FER1L6: variants seen among roughly 807,000 people sequenced by gnomAD.
FER1L6 encodes the protein fer-1-like protein 6.
Under a neutral mutation model 219.2 loss-of-function variants are expected in FER1L6, and 177 were observed. The observed-to-expected ratio is 0.81, with a 90% CI of 0.71 to 0.91. FER1L6 has a LOEUF of 0.91. Among genes scored for constraint, FER1L6 ranks in the 40% least tolerant of loss-of-function variants. FER1L6 has a pLI of 0.00. For synonymous variants in FER1L6, 768 were observed against 824.3 expected (o/e 0.93, Z 1.17); for missense variants, 2,153 against 2,259.9 (o/e 0.95, Z 0.96).
chr8:123,851,992 AG>A lies in FER1L6; in HGVS notation c.-199del, dbSNP rs1031869302. ...GTAAAGTACTGTCACCTAGTTGGTGAGGTTGCCTGTAACTGACTTCAAAAGG... is the reference window on the plus strand; with the variant it reads ...GTAAAGTACTGTCACCTAGTTGGTGAGTTGCCTGTAACTGACTTCAAAAGG... On this transcript the variant is annotated 5_prime_UTR_variant, in exon 1 of 41. Transcript: ENST00000522917. The A allele has an allele frequency of 1.3e-5, 2 of 152,156 alleles. No homozygotes were observed. The highest frequency in any genetic ancestry group is 1.3e-4 in the Admixed American group (2 of 15,274). The allele number at this position is 152,156 out of a possible 1,614,324, so 9.4% of individuals were successfully genotyped here. A position where few individuals can be genotyped will look rare whatever the true frequency, so the allele number is the denominator to read the frequency against.
chr8:124,101,130 G>C lies in FER1L6; in HGVS notation c.4917G>C (p.Glu1639Asp). ...WLKGLEDDKQ[E>D]TDVHYNSLTG... ...AGGGCTTGGAGGATGACAAGCAGGA[G>C]ACAGATGTGCATTACAACTCCCTGA... The change falls in exon 38 of 41, where the codon GAG becomes GAC. Residue 1639 changes from glutamate (E) to aspartate (D), a missense_variant. Glu to Asp is a conservative substitution (Grantham distance 45, BLOSUM62 2). Coordinates refer to ENST00000522917, the MANE Select transcript of FER1L6 (RefSeq NM_001039112.2). 6.2e-7 allele frequency: 1 copy of C among 1,613,750 alleles called. No homozygotes were observed. The highest frequency in any genetic ancestry group is 1.3e-5 in the African/African-American group (1 of 74,964).
At chr8:123,985,652 T>C (rs924099567) in intron 11 of FER1L6, 1 of 160,482 alleles carries the variant, frequency 6.2e-6, no homozygotes, top group Non-Finnish European at 1.4e-5. Flanking sequence ...GTGTAAGCCA[T>C]AAAGTTGTGC....
intron 1 of FER1L6, among the ~76,000 whole-genome samples, chr8:123,880,896 TCAGGATC>T (rs55847943): frequency 0.23 from 34,655 of 151,928 alleles, 4,244 homozygotes; most frequent in East Asian, 0.45. Context: ...AACACACATA[TCAGGATC>T]CAGTTGGGGG....
intron 39 of FER1L6, among the ~76,000 whole-genome samples, chr8:124,117,882 C>T (rs866821251): frequency 1.3e-5 from 2 of 152,086 alleles, no homozygotes; most frequent in Admixed American, 6.5e-5. Flanking sequence ...ATCATACCTC[C>T]GAAGTCAAGT....
intron 1 of FER1L6, among the ~76,000 whole-genome samples, chr8:123,856,263 T>C (rs191546997): frequency 1.4e-5 from 2 of 139,444 alleles, no homozygotes; most frequent in Admixed American, 7.5e-5. Flanking sequence ...TATATGTATA[T>C]ATGTGTATAT....
rs1322837526 is a variant in FER1L6, at chr8:124,082,299, T to G, written c.4232T>G (p.Ile1411Ser). The change falls in exon 33 of 41, where the codon ATC becomes AGC. Residue 1411 changes from isoleucine to serine, a missense_variant. Ile to Ser is a moderately radical substitution (Grantham distance 142). Transcript: ENST00000522917. ...LNPVFGRSFE[I>S]QATFPKESLL... ...TGCTTGGACCGCAGGTCATTTGAGA[T>G]CCAAGCCACATTCCCAAAAGAGTCC... The G allele has an allele frequency of 1.2e-6, 2 of 1,613,054 alleles. No homozygotes were observed. The highest frequency in any genetic ancestry group is 8.5e-7 in the Non-Finnish European group (1 of 1,179,572).
chr8:123,965,386 G>A (rs1431646010), intron 3 of FER1L6, among the ~76,000 whole-genome samples: 1 of 152,168 alleles, frequency 6.6e-6, no homozygotes, highest in Non-Finnish European at 1.5e-5. Context: ...ATGACAACAG[G>A]AATTCTTCAT....
intron 39 of FER1L6, among the ~76,000 whole-genome samples, chr8:124,114,187 C>T (rs1181875833): frequency 6.6e-6 from 1 of 151,914 alleles, no homozygotes; most frequent in Admixed American, 6.6e-5. Flanking sequence ...AAGAGCTTTC[C>T]CTCATCAGTT....
chr8:124,094,847 T>C (rs1170522542), intron 34 of FER1L6, 49 bp from the exon 35 acceptor site: 1 of 1,603,570 alleles, frequency 6.2e-7, no homozygotes, highest in Non-Finnish European at 8.5e-7. Flanking sequence ...CCCATCACTG[T>C]CTCCTTGCAG....
In FER1L6 at chr8:124,010,940, C is replaced by T. The variant is rs117697490; in HGVS notation, c.1821+226C>T. ...CAAACTACCTGAATTCAAATCCCTG[C>T]TCTGCTTCTGGCTGTTATAGGATCT... On this transcript the variant is annotated intron_variant, in intron 14 of 40. Transcript: ENST00000522917. Among the ~76,000 whole-genome samples, 87 of 152,322 alleles carry T rather than the reference C, an allele frequency of 5.7e-4. 1 individual carries two copies. In the East Asian group the frequency reaches 7.1e-3, roughly 12 times the overall value.
chr8:123,964,066 C>T (rs939869107), intron 3 of FER1L6, among the ~76,000 whole-genome samples: 1 of 152,194 alleles, frequency 6.6e-6, no homozygotes, highest in African/African-American at 2.4e-5. Flanking sequence ...ACCAGATCCT[C>T]CGTCAGGCTA....
chr8:123,946,501 G>A (rs757910694), intron 1 of FER1L6, among the ~76,000 whole-genome samples: 4 of 152,158 alleles, frequency 2.6e-5, no homozygotes, highest in Admixed American at 6.5e-5. Context: ...CGATCTGCCC[G>A]CCTTGGCCTC....
At chr8:124,012,100 A>G (rs1268028709) in intron 14 of FER1L6, among the ~76,000 whole-genome samples, 2 of 151,044 alleles carry the variant, frequency 1.3e-5, no homozygotes, top group Non-Finnish European at 2.9e-5. Context: ...TGCTCCCTCT[A>G]CTCCGTCCCA....
At chr8:124,051,777 C>G (rs1036060176) in intron 22 of FER1L6, among the ~76,000 whole-genome samples, 8 of 152,068 alleles carry the variant, frequency 5.3e-5, no homozygotes, top group Admixed American at 3.3e-4. Flanking sequence ...AAACCCAGAC[C>G]CTGCCCAGGT....
intron 1 of FER1L6, among the ~76,000 whole-genome samples, chr8:123,917,531 G>T (rs1333108207): frequency 6.6e-6 from 1 of 152,188 alleles, no homozygotes; most frequent in East Asian, 1.9e-4. Flanking sequence ...TTTGTTGAAA[G>T]CCTCCGTGTT....
chr8:123,933,876 T>G (rs1278888043), intron 1 of FER1L6, among the ~76,000 whole-genome samples: 1 of 152,218 alleles, frequency 6.6e-6, no homozygotes, highest in Non-Finnish European at 1.5e-5. Context: ...TGCAGAAGCA[T>G]TTCAAGATAG....
intron 16 of FER1L6, among the ~76,000 whole-genome samples, chr8:124,018,414 T>A (rs917461356): frequency 6.6e-6 from 1 of 152,212 alleles, no homozygotes; most frequent in African/African-American, 2.4e-5. Context: ...GCTAGTTAAC[T>A]GTAATCCAAA....
intron 15 of FER1L6, among the ~76,000 whole-genome samples, chr8:124,014,826 A>T (rs1429847386): frequency 6.6e-6 from 1 of 152,174 alleles, no homozygotes. Context: ...GCTTAACATC[A>T]TAGTTATTAT....
intron 1 of FER1L6, chr8:123,939,337 C>T: frequency 2.9e-6 from 1 of 350,462 alleles, no homozygotes; most frequent in Non-Finnish European, 4.0e-6. Flanking sequence ...TTTCAAAATG[C>T]AATTCAAAAT....
Sources: allele counts gnomAD v4.1 joint callset (sites outside exome capture counted in the v4.1 genomes callset), GRCh38; gene constraint gnomAD v4.1.1; transcripts MANE v1.5; gene names NCBI Gene and HGNC (gene_info 2026-07-23, HGNC 2026-07-21).